The following DPP6 variants were observed in gnomAD, a reference collection of about 807,000 sequenced individuals.
DPP6 encodes A-type potassium channel modulatory protein DPP6.
DPP6 carries 69 observed loss-of-function variants against 122.6 expected under a neutral mutation model. The observed-to-expected ratio is 0.56, with a 90% CI of 0.46 to 0.69. The LOEUF is 0.69. Among genes scored for constraint, DPP6 ranks in the 30% least tolerant of loss-of-function variants. The pLI, the probability that DPP6 is intolerant of heterozygous loss-of-function variation, is 0.00. For synonymous variants in DPP6, 418 were observed against 433.1 expected, an observed-to-expected ratio of 0.97 and a Z score of 0.43; for missense variants, 928 against 1,116.9, an observed-to-expected ratio of 0.83 and a Z score of 2.41.
chr7:154,862,399 C>G (rs1310738184), intron 17 of DPP6, among the ~76,000 whole-genome samples: 3 of 152,244 alleles, frequency 2.0e-5, no homozygotes, highest in Admixed American at 6.5e-5. Context: ...GGGTTGCACG[C>G]GTGAGCAGCT....
At chr7:154,567,055 A>G (rs886368245) in intron 5 of DPP6, 139 bp downstream of exon 5, 1 of 641,930 alleles carries the variant, frequency 1.6e-6, no homozygotes, top group African/African-American at 1.9e-5. Context: ...TCTCTTTTGC[A>G]TATCATACTG....
intron 7 of DPP6, among the ~76,000 whole-genome samples, chr7:154,715,412 C>A (rs1841427025): frequency 6.6e-6 from 1 of 152,190 alleles, no homozygotes; most frequent in African/African-American, 2.4e-5. Flanking sequence ...AGCTAATGTA[C>A]ATTGAGGCCT....
At chr7:154,195,080 G>A (rs2150773241) in intron 1 of DPP6, among the ~76,000 whole-genome samples, 1 of 152,236 alleles carries the variant, frequency 6.6e-6, no homozygotes, top group Non-Finnish European at 1.5e-5. Flanking sequence ...AGGGTCACAA[G>A]GTTCTCTTCT....
At chr7:153,981,173 G>T (rs529758126) in intron 1 of DPP6, among the ~76,000 whole-genome samples, 1 of 152,268 alleles carries the variant, frequency 6.6e-6, no homozygotes, top group Admixed American at 6.5e-5. Context: ...ATTATTGTGT[G>T]GGAGTCTAAG....
intron 1 of DPP6, among the ~76,000 whole-genome samples, chr7:154,220,441 G>A (rs941490364): frequency 6.6e-6 from 1 of 152,204 alleles, no homozygotes; most frequent in Admixed American, 6.5e-5. Flanking sequence ...GGAGGAGAGA[G>A]AGGAGCAGAG....
At chr7:154,062,913 G>C (rs1312970548) in intron 1 of DPP6, among the ~76,000 whole-genome samples, 1 of 134,962 alleles carries the variant, frequency 7.4e-6, no homozygotes, top group Admixed American at 7.6e-5. Context: ...GGACCCACCT[G>C]GAGGACTGTG....
chr7:154,018,554 A>T (rs565781939), intron 1 of DPP6, among the ~76,000 whole-genome samples: 15 of 152,366 alleles, frequency 9.8e-5, no homozygotes, highest in African/African-American at 3.6e-4. Flanking sequence ...AAGCTTTCTA[A>T]GCTCACAACC....
chr7:154,670,804 C>T (rs1205435785), intron 7 of DPP6, among the ~76,000 whole-genome samples: 1 of 152,160 alleles, frequency 6.6e-6, no homozygotes, highest in Non-Finnish European at 1.5e-5. Context: ...CCCCATAGTA[C>T]AATCACATTT....
At chr7:154,685,899 A>G (rs929929291) in intron 7 of DPP6, among the ~76,000 whole-genome samples, 8 of 152,182 alleles carry the variant, frequency 5.3e-5, no homozygotes, top group South Asian at 4.1e-4. Flanking sequence ...TTTATGCAAT[A>G]TTACCAATCT....
chr7:154,869,413 A>G (rs73728625), intron 18 of DPP6, among the ~76,000 whole-genome samples: 11,715 of 152,304 alleles, frequency 0.077, 1,471 homozygotes, highest in African/African-American at 0.26. Context: ...TAGCACGAGA[A>G]TTCAGAGAAG....
chr7:154,225,438 A>G (rs1204076825), intron 1 of DPP6, among the ~76,000 whole-genome samples: 2 of 152,184 alleles, frequency 1.3e-5, no homozygotes, highest in East Asian at 1.9e-4. Flanking sequence ...TTCTTTCACA[A>G]TGGATACTCC....
At chr7:154,784,184 G>T (rs1040206508) in intron 10 of DPP6, among the ~76,000 whole-genome samples, 2 of 152,012 alleles carry the variant, frequency 1.3e-5, no homozygotes, top group South Asian at 2.1e-4. Flanking sequence ...TCCAAGCTTC[G>T]ACAGCAGCCT....
the DPP6 span, among the ~76,000 whole-genome samples, chr7:153,870,301 ATTTGGTC>A: frequency 6.6e-6 from 1 of 152,080 alleles, no homozygotes; most frequent in African/African-American, 2.4e-5. Flanking sequence ...TCAGATGTAG[ATTTGGTC>A]TTTTCACATA....
At chr7:154,711,391 A>G (rs1489823418) in intron 7 of DPP6, among the ~76,000 whole-genome samples, 1 of 152,252 alleles carries the variant, frequency 6.6e-6, no homozygotes, top group African/African-American at 2.4e-5. Context: ...AACAAATAAT[A>G]AATAAATAAA....
At chr7:154,117,435 G>C (rs1335029913) in intron 1 of DPP6, among the ~76,000 whole-genome samples, 3 of 152,080 alleles carry the variant, frequency 2.0e-5, no homozygotes, top group Admixed American at 2.0e-4. Context: ...GTCTTTTAGG[G>C]GGAAGGGAAC....
chr7:154,166,672 AG>A (rs1797268716), intron 1 of DPP6, among the ~76,000 whole-genome samples: 1 of 141,770 alleles, frequency 7.1e-6, no homozygotes, highest in Non-Finnish European at 1.5e-5. Flanking sequence ...GCAATTTGGG[AG>A]GCTGAGGCAG....
At chr7:154,190,710 A>T (rs1304579721) in intron 1 of DPP6, among the ~76,000 whole-genome samples, 2 of 152,104 alleles carry the variant, frequency 1.3e-5, no homozygotes, top group Non-Finnish European at 2.9e-5. Flanking sequence ...GAACTAGGAT[A>T]AATAGAGTCC....
At chr7:154,424,950 C>T (rs751975649) in intron 1 of DPP6, among the ~76,000 whole-genome samples, 7 of 152,180 alleles carry the variant, frequency 4.6e-5, no homozygotes, top group African/African-American at 9.7e-5. Context: ...TTTGCTTTGC[C>T]GTGGTTATTG....
chr7:154,280,463 G>A (rs1206822468), intron 1 of DPP6, among the ~76,000 whole-genome samples: 4 of 152,102 alleles, frequency 2.6e-5, no homozygotes, highest in South Asian at 2.1e-4. Context: ...TTCCATCTTC[G>A]ACTTCTTTAT....
Sources: allele counts gnomAD v4.1 joint callset (sites outside exome capture counted in the v4.1 genomes callset), GRCh38; gene constraint gnomAD v4.1.1; transcripts MANE v1.5; gene names NCBI Gene and HGNC (gene_info 2026-07-23, HGNC 2026-07-21).